INPP4B: variants seen among roughly 807,000 people sequenced by gnomAD.
INPP4B encodes the protein inositol polyphosphate 4-phosphatase type II.
A neutral mutation model predicts 122.5 loss-of-function variants in INPP4B; 55 were observed. That is an observed-to-expected ratio of 0.45 (90% confidence interval 0.36 to 0.56). The LOEUF is 0.56. Among genes scored for constraint, INPP4B ranks in the 20% least tolerant of loss-of-function variants. INPP4B has a pLI of 0.00. For missense variants in INPP4B, 1,000 were observed against 1,097.7 expected, an observed-to-expected ratio of 0.91 and a Z score of 1.26; for synonymous variants, 403 against 388.7, an observed-to-expected ratio of 1.04 and a Z score of -0.43.
chr4:142,180,505 T>C (rs997823513), intron 15 of INPP4B, among the ~76,000 whole-genome samples: 1 of 152,210 alleles, frequency 6.6e-6, no homozygotes, highest in Non-Finnish European at 1.5e-5. Flanking sequence ...GCTATGGGCC[T>C]AGCATTACGT....
At chr4:142,786,244 T>A (rs1384906387) in intron 1 of INPP4B, among the ~76,000 whole-genome samples, 1 of 152,030 alleles carries the variant, frequency 6.6e-6, no homozygotes, top group East Asian at 1.9e-4. Context: ...GTAGTCCAAG[T>A]AAGTAAGAAA....
intron 14 of INPP4B, among the ~76,000 whole-genome samples, chr4:142,198,122 C>A (rs1234077212): frequency 8.6e-6 from 1 of 116,414 alleles, no homozygotes; most frequent in Non-Finnish European, 1.8e-5. Flanking sequence ...AGAGGGCAAA[C>A]AAAAGCTTGC....
chr4:142,098,353 C>T (rs1235567929), intron 23 of INPP4B, among the ~76,000 whole-genome samples: 1 of 151,584 alleles, frequency 6.6e-6, no homozygotes, highest in Non-Finnish European at 1.5e-5. Flanking sequence ...CAAACAACAA[C>T]AACAACAACA....
At chr4:142,174,795 A>T (rs190568325) in intron 15 of INPP4B, among the ~76,000 whole-genome samples, 206 of 151,170 alleles carry the variant, frequency 1.4e-3, no homozygotes, top group Non-Finnish European at 2.3e-3. Context: ...TGATTAAATT[A>T]AAAAAAAATT....
At chr4:142,590,565 G>A (rs987283594) in intron 2 of INPP4B, among the ~76,000 whole-genome samples, 5 of 152,090 alleles carry the variant, frequency 3.3e-5, no homozygotes, top group Admixed American at 2.6e-4. Flanking sequence ...TTGGAAGCCA[G>A]ATTTCTCATT....
rs74955308 is a variant in INPP4B at position 142,716,058 on chromosome 4, T to G, written c.-191+9781A>C. ...AGAGGCAAGCAGCTTCTATGTCAAC[T>G]TTATGACCTACATTTGGAGATCACA... is the stretch of plus-strand genomic sequence containing the variant. On this transcript the variant is annotated intron_variant, in intron 2 of 25. Transcript: ENST00000262992. Among the ~76,000 whole-genome samples the G allele has an allele frequency of 9.9e-5, 15 of 152,230 alleles. No individual in the cohort carries two copies. In the East Asian group the frequency reaches 2.7e-3, roughly 27 times the overall value.
rs537601257 is a variant in INPP4B at position 142,253,573 on chromosome 4, T to G, written c.688+6919A>C. On this transcript the variant is annotated intron_variant, in intron 11 of 25. Coordinates refer to ENST00000262992, the MANE Select transcript of INPP4B (RefSeq NM_001101669.3). ...CAAGGGGTCAGGGAGTTCCCTTTCC[T>G]AGTCAAAGAAAGGGGTGACAGACGG... Among the ~76,000 whole-genome samples the G allele has an allele frequency of 7.9e-5, 12 of 152,308 alleles. No homozygotes were observed. In the East Asian group the frequency reaches 2.1e-3, roughly 27 times the overall value.
intron 2 of INPP4B, chr4:142,660,852 A>G (rs1035253885): frequency 8.5e-5 from 13 of 152,844 alleles, no homozygotes; most frequent in African/African-American, 2.4e-4. Flanking sequence ...GAACCCTTAG[A>G]TCAGCCTCTG....
intron 14 of INPP4B, chr4:142,202,634 T>C (rs961442885): frequency 8.5e-6 from 4 of 472,620 alleles, no homozygotes; most frequent in African/African-American, 6.4e-5. Flanking sequence ...GACTCCTCCA[T>C]AGTTAACACA....
intron 6 of INPP4B, 94 bp downstream of exon 6, chr4:142,405,112 C>A (rs371248553): frequency 3.7e-6 from 2 of 534,720 alleles, no homozygotes; most frequent in Non-Finnish European, 6.3e-6. Flanking sequence ...AGAGATGGGG[C>A]GGGGGTGGGG....
At chr4:142,751,658 A>T (rs889125474) in intron 1 of INPP4B, among the ~76,000 whole-genome samples, 1 of 152,114 alleles carries the variant, frequency 6.6e-6, no homozygotes, top group African/African-American at 2.4e-5. Context: ...TCTTCTAAGC[A>T]GATAGCTTCT....
intron 7 of INPP4B, among the ~76,000 whole-genome samples, chr4:142,398,558 T>G (rs892562956): frequency 4.7e-5 from 7 of 150,086 alleles, no homozygotes; most frequent in Non-Finnish European, 1.0e-4. Flanking sequence ...TATCAGAATT[T>G]GTATCTCAAC....
At chr4:142,379,227 C>A (rs573016346) in intron 7 of INPP4B, among the ~76,000 whole-genome samples, 162 of 152,116 alleles carry the variant, frequency 1.1e-3, no homozygotes, top group African/African-American at 3.7e-3. Flanking sequence ...TCATCATTAC[C>A]CAAGTTTGTA....
At chr4:142,299,711 G>C (rs1760555071) in intron 9 of INPP4B, among the ~76,000 whole-genome samples, 1 of 151,716 alleles carries the variant, frequency 6.6e-6, no homozygotes. Flanking sequence ...ACTTTCTATT[G>C]ACCTTATTTA....
intron 2 of INPP4B, among the ~76,000 whole-genome samples, chr4:142,497,375 G>A (rs1822722292): frequency 6.6e-6 from 1 of 152,068 alleles, no homozygotes; most frequent in South Asian, 2.1e-4. Flanking sequence ...AGTCTAATAT[G>A]TTCCCATAAC....
At chr4:142,459,300 A>G (rs1816221946) in intron 3 of INPP4B, among the ~76,000 whole-genome samples, 2 of 152,134 alleles carry the variant, frequency 1.3e-5, no homozygotes, top group South Asian at 4.1e-4. Flanking sequence ...AAAAAAAAAA[A>G]AAAAACAAAG....
chr4:142,312,309 G>T (rs1765817876), intron 8 of INPP4B, among the ~76,000 whole-genome samples: 1 of 152,152 alleles, frequency 6.6e-6, no homozygotes, highest in East Asian at 1.9e-4. Flanking sequence ...GAAGAGAGGA[G>T]AGATCAGCAT....
At chr4:142,113,495 T>C (rs987000543) in intron 21 of INPP4B, among the ~76,000 whole-genome samples, 5 of 151,956 alleles carry the variant, frequency 3.3e-5, no homozygotes, top group African/African-American at 1.2e-4. Context: ...AGTGAGCCTC[T>C]TTGTGAAAAT....
chr4:142,751,793 A>G (rs1769758194), intron 1 of INPP4B, among the ~76,000 whole-genome samples: 1 of 152,062 alleles, frequency 6.6e-6, no homozygotes, highest in African/African-American at 2.4e-5. Context: ...CACATTTGAC[A>G]CTATAATTTT....
Sources: gnomAD v4.1 joint callset for allele counts (sites outside exome capture counted in the v4.1 genomes callset) on GRCh38, gnomAD v4.1.1 for gene constraint, MANE v1.5 for transcripts, NCBI Gene and HGNC (gene_info 2026-07-23, HGNC 2026-07-21) for gene names.